ADGRG7: variants seen among roughly 807,000 people sequenced by gnomAD.
ADGRG7 encodes adhesion G protein-coupled receptor G7, also known as G-protein coupled receptor 128.
In ADGRG7, 82 loss-of-function variants were observed where a neutral mutation model predicts 88.6. That is an observed-to-expected ratio of 0.93 (90% CI 0.77 to 1.11). The LOEUF is 1.11. Among genes scored for constraint, ADGRG7 ranks in the 50% most tolerant of loss-of-function variants. ADGRG7 has a pLI of 0.00. For synonymous variants in ADGRG7, 381 were observed against 345.2 expected, an observed-to-expected ratio of 1.10 and a Z score of -1.15; for missense variants, 945 against 953.4, an observed-to-expected ratio of 0.99 and a Z score of 0.12.
At chr3:100,630,663 A>T (rs528290242) in intron 2 of ADGRG7, 42 bp from the exon 3 acceptor site, 12 of 980,448 alleles carry the variant, frequency 1.2e-5, no homozygotes, top group East Asian at 6.5e-5. Context: ...CAATTTTTTT[A>T]AAATACAATT....
intron 8 of ADGRG7, 82 bp from the exon 9 acceptor site, chr3:100,645,863 C>A (rs893802334): frequency 8.1e-7 from 1 of 1,232,530 alleles, no homozygotes; most frequent in Non-Finnish European, 1.1e-6. Flanking sequence ...AGCAGCCATG[C>A]ACTTCTACAA....
At chr3:100,672,890 C>A (rs751614334) in intron 15 of ADGRG7, among the ~76,000 whole-genome samples, 8 of 152,192 alleles carry the variant, frequency 5.3e-5, no homozygotes, top group Admixed American at 3.3e-4. Context: ...GCCAGCCTTG[C>A]ATCCCAGGGA....
intron 15 of ADGRG7, among the ~76,000 whole-genome samples, chr3:100,678,035 T>C (rs913593259): frequency 1.3e-5 from 2 of 152,138 alleles, no homozygotes; most frequent in Non-Finnish European, 2.9e-5. Context: ...CTCTACCTCA[T>C]CTTTCAGGCT....
chr3:100,624,552 TG>T (rs1437116281), intron 1 of ADGRG7, among the ~76,000 whole-genome samples: 1 of 152,252 alleles, frequency 6.6e-6, no homozygotes, highest in Non-Finnish European at 1.5e-5. Context: ...AGATCCCATT[TG>T]TCAATTTTGG....
At chr3:100,657,843 G>T (rs2094939723) in intron 13 of ADGRG7, among the ~76,000 whole-genome samples, 1 of 152,108 alleles carries the variant, frequency 6.6e-6, no homozygotes, top group South Asian at 2.1e-4. Flanking sequence ...CATCATCTCA[G>T]TTTCCTCCTA....
intron 15 of ADGRG7, among the ~76,000 whole-genome samples, chr3:100,676,138 ATTTTGG>A (rs962294952): frequency 2.0e-5 from 3 of 151,378 alleles, no homozygotes; most frequent in African/African-American, 7.3e-5. Flanking sequence ...TTCTTTACTA[ATTTTGG>A]TTTTGATTTG....
chr3:100,645,926 T>C lies in ADGRG7; in HGVS notation c.947-19T>C. The C allele has an allele frequency of 6.2e-7, 1 of 1,603,180 alleles. No individual in the cohort carries two copies. The highest frequency in any genetic ancestry group is 8.5e-7 in the Non-Finnish European group (1 of 1,175,486). ...CTTACAGTGCACTTATTGATTTTAA[T>C]GTCTTTTTCTCCCTATAGATTACAC... On this transcript the variant is annotated intron_variant, in intron 8 of 15. Coordinates refer to ENST00000273352, the MANE Select transcript of ADGRG7 (RefSeq NM_032787.3).
At chr3:100,632,232 A>C (rs1707468425) in intron 3 of ADGRG7, among the ~76,000 whole-genome samples, 1 of 152,038 alleles carries the variant, frequency 6.6e-6, no homozygotes, top group Non-Finnish European at 1.5e-5. Flanking sequence ...GGGACAAGAG[A>C]CTCAACATTT....
intron 10 of ADGRG7, among the ~76,000 whole-genome samples, chr3:100,646,977 G>A (rs1375486395): frequency 6.6e-6 from 1 of 152,142 alleles, no homozygotes; most frequent in East Asian, 1.9e-4. Flanking sequence ...GACCAACATG[G>A]TGAAACCCCG....
At chr3:100,649,227 G>A (rs923917957) in intron 10 of ADGRG7, among the ~76,000 whole-genome samples, 4 of 152,170 alleles carry the variant, frequency 2.6e-5, no homozygotes, top group Non-Finnish European at 2.9e-5. Context: ...TTAATATGTG[G>A]ATTGTTTTCA....
In ADGRG7 at chr3:100,629,647, T is replaced by G. The variant is rs756190061; in HGVS notation, c.165T>G (p.Gly55=). Residue 55 remains glycine (G), a synonymous_variant, in exon 2 of 16, where the codon GGT becomes GGG. Transcript: ENST00000273352. The part of the protein sequence containing the change: ...SSTPTEFCRN[G]GTWENGRCIC... ...CCCCTACAGAGTTCTGCAGGAATGG[T>G]GGAACCTGGGAAAATGGCAGATGTA... is the stretch of plus-strand genomic sequence containing the variant. The G allele has an allele frequency of 2.5e-6, 4 of 1,613,400 alleles. No individual in the cohort carries two copies. In the African/African-American group the frequency reaches 5.3e-5, roughly 22 times the overall value.
chr3:100,646,148 A>G lies in ADGRG7; in HGVS notation c.1110+40A>G, dbSNP rs779150958. 1.9e-5 allele frequency: 25 copies of G among 1,339,040 alleles called. No individual in the cohort carries two copies. In the Admixed American group the frequency reaches 4.2e-4, roughly 23 times the overall value. The allele number at this position is 1,339,040 out of a possible 1,614,324, so 82.9% of individuals were successfully genotyped here. Reference sequence around the variant, plus strand: ...GCAGATGCAAGAAAAAAGTGTCCTCATGCTTTCTTTCTGATGGTGGCAGCT... The same window carrying G: ...GCAGATGCAAGAAAAAAGTGTCCTCGTGCTTTCTTTCTGATGGTGGCAGCT... On this transcript the variant is annotated intron_variant, in intron 9 of 15. Coordinates refer to ENST00000273352, the MANE Select transcript of ADGRG7 (RefSeq NM_032787.3).
chr3:100,611,278 TCCTTCCTTC>T (rs1409175422), intron 1 of ADGRG7, among the ~76,000 whole-genome samples: 46 of 143,678 alleles, frequency 3.2e-4, no homozygotes, highest in African/African-American at 1.1e-3. Context: ...CTTCCTTCCT[TCCTTCCTTC>T]CTTCCTTCCT....
chr3:100,614,827 G>A (rs1707201980), intron 1 of ADGRG7, among the ~76,000 whole-genome samples: 1 of 152,056 alleles, frequency 6.6e-6, no homozygotes, highest in South Asian at 2.1e-4. Flanking sequence ...TTCTCAAGCA[G>A]CATGTATGTG....
At chr3:100,633,909 T>C (rs572473272) in intron 4 of ADGRG7, among the ~76,000 whole-genome samples, 1 of 152,332 alleles carries the variant, frequency 6.6e-6, no homozygotes, top group East Asian at 1.9e-4. Context: ...TGATGATCAA[T>C]AGCACATTAA....
At chr3:100,647,419 A>G (rs775587377) in intron 10 of ADGRG7, among the ~76,000 whole-genome samples, 34 of 152,232 alleles carry the variant, frequency 2.2e-4, no homozygotes, top group Non-Finnish European at 4.6e-4. Flanking sequence ...GTATGTGGAC[A>G]GTTTAAATCA....
intron 1 of ADGRG7, among the ~76,000 whole-genome samples, chr3:100,627,557 A>G (rs141232715): frequency 2.0e-5 from 3 of 152,278 alleles, no homozygotes; most frequent in African/African-American, 7.2e-5. Flanking sequence ...AGATTTTGGT[A>G]TAAGGGTTAT....
chr3:100,683,051 G>A (rs1398726452), intron 15 of ADGRG7, among the ~76,000 whole-genome samples: 2 of 152,122 alleles, frequency 1.3e-5, no homozygotes, highest in Non-Finnish European at 2.9e-5. Flanking sequence ...TCTCTCCTGA[G>A]AGCTGAGTGC....
Position 100,694,891 on chromosome 3 carries a change from T to A in ADGRG7, c.2284T>A (p.Phe762Ile), listed in dbSNP as rs2094999661. The change falls in exon 16 of 16, where the codon TTC becomes ATC. Residue 762 changes from phenylalanine to isoleucine, a missense_variant. Coordinates refer to ENST00000273352, the MANE Select transcript of ADGRG7 (RefSeq NM_032787.3). ...RPRLRVKMYN[F>I]LRSLPTLHER... ...GAGGCTGCGTGTAAAGATGTATAAT[T>A]TCCTCAGGTCATTGCCAACCTTACA... 1.2e-6 allele frequency: 2 copies of A among 1,614,170 alleles called. No individual in the cohort carries two copies. The highest frequency in any genetic ancestry group is 4.5e-5 in the East Asian group (2 of 44,880).
Sources: gnomAD v4.1 joint callset for allele counts (sites outside exome capture counted in the v4.1 genomes callset) on GRCh38, gnomAD v4.1.1 for gene constraint, MANE v1.5 for transcripts, NCBI Gene and HGNC (gene_info 2026-07-23, HGNC 2026-07-21) for gene names.